PRTG: variants seen among roughly 807,000 people sequenced by gnomAD.
PRTG encodes the protein immunoglobulin superfamily, DCC subclass, member 5.
PRTG carries 67 observed loss-of-function variants against 122.5 expected under a neutral mutation model. That is an observed-to-expected ratio of 0.55 (90% CI 0.45 to 0.67). The LOEUF is 0.67. PRTG is among the 30% of genes least tolerant of loss of function. The probability of loss-of-function intolerance (pLI) is 0.00; values close to 1 mark genes in which losing one functional copy is unlikely to be tolerated. For synonymous variants in PRTG, 554 were observed against 501.1 expected (o/e 1.11, Z -1.41); for missense variants, 1,435 against 1,415.4 (o/e 1.01, Z -0.22).
At chr15:55,634,226 C>A (rs1427155680) in intron 15 of PRTG, among the ~76,000 whole-genome samples, 1 of 151,806 alleles carries the variant, frequency 6.6e-6, no homozygotes, top group African/African-American at 2.4e-5. Context: ...TGCCACCACG[C>A]CTGGCTAATT....
At chr15:55,657,930 G>A (rs1327446944) in intron 11 of PRTG, among the ~76,000 whole-genome samples, 1 of 152,062 alleles carries the variant, frequency 6.6e-6, no homozygotes, top group African/African-American at 2.4e-5. Context: ...AAAAATAAAA[G>A]GTTCTTAATA....
At chr15:55,709,186 G>T (rs111525627) in intron 2 of PRTG, among the ~76,000 whole-genome samples, 70 of 128,586 alleles carry the variant, frequency 5.4e-4, no homozygotes, top group African/African-American at 1.9e-3. Flanking sequence ...AATTACAGAC[G>T]TTTTTAAAGC....
At chr15:55,738,187 T>C (rs1025748925) in intron 2 of PRTG, 39 of 230,968 alleles carry the variant, frequency 1.7e-4, no homozygotes, top group Middle Eastern at 1.3e-3. Context: ...ACATAAAATA[T>C]AAAAACTTCA....
At chr15:55,702,805 C>A in intron 2 of PRTG, 1 of 329,618 alleles carries the variant, frequency 3.0e-6, no homozygotes, top group Non-Finnish European at 4.3e-6. Flanking sequence ...CATGTGCAAA[C>A]ACACACACAC....
chr15:55,655,819 T>G (rs906001416), intron 11 of PRTG: 10 of 152,284 alleles, frequency 6.6e-5, no homozygotes, highest in African/African-American at 2.4e-4. Flanking sequence ...GAAGTGCTGT[T>G]GTTTTAACCT....
In PRTG at chr15:55,620,250, G is replaced by C. The variant is rs2059158965; in HGVS notation, c.3215C>G (p.Thr1072Ser). ...IQVEQPQRRF[T>S]PAVCFYQPGT... ...TGGCTGGTAAAAGCAGACCGCTGGA[G>C]TAAATCTTCTTTGAGGCTAGGCAAA... The change falls in exon 20 of 20, where the codon ACT (threonine) becomes AGT (serine). Residue 1072 changes from threonine to serine, a missense_variant. Transcript: ENST00000389286. 1 of 1,613,964 alleles carries C rather than the reference G, an allele frequency of 6.2e-7. No individual in the cohort carries two copies. Among genetic ancestry groups the C allele is most frequent in the Non-Finnish European group, 8.5e-7 (1 of 1,179,940 alleles).
chr15:55,694,717 T>G (rs969930366), intron 2 of PRTG, among the ~76,000 whole-genome samples: 15 of 152,216 alleles, frequency 9.9e-5, no homozygotes. Flanking sequence ...TAGAGCCTTT[T>G]AAGACTTCAG....
intron 15 of PRTG, among the ~76,000 whole-genome samples, chr15:55,634,308 A>C (rs1349465886): frequency 6.6e-6 from 1 of 151,726 alleles, no homozygotes; most frequent in African/African-American, 2.4e-5. Flanking sequence ...ACCTCAGGGG[A>C]TCCACCTGCC....
Position 55,675,652 on chromosome 15 carries a change from G to A in PRTG, c.1413C>T (p.Ile471=), listed in dbSNP as rs777588721. Residue 471 remains isoleucine, a synonymous_variant, in exon 9 of 20, where the codon ATC becomes ATT. Transcript: ENST00000389286. ...TAATATAATGAGTTGTGTCATTTCCGATGACTACTTGATACTCTTCATTAT... is the reference window on the plus strand; with the variant it reads ...TAATATAATGAGTTGTGTCATTTCCAATGACTACTTGATACTCTTCATTAT... ...GLNNEEYQVV[I]GNDTTHYIID... 19 of 1,584,728 alleles carry A rather than the reference G, an allele frequency of 1.2e-5. No individual in the cohort carries two copies. The highest frequency in any genetic ancestry group is 4.5e-5 in the East Asian group (2 of 44,726).
chr15:55,649,791 CAATAAATA>C (rs59626091), intron 11 of PRTG, among the ~76,000 whole-genome samples: 22,425 of 147,742 alleles, frequency 0.15, 2,497 homozygotes, highest in African/African-American at 0.31. Flanking sequence ...GACTCAGTCT[CAATAAATA>C]AATAAATAAA....
At chr15:55,639,121 A>G (rs1355325492) in intron 13 of PRTG, among the ~76,000 whole-genome samples, 1 of 152,170 alleles carries the variant, frequency 6.6e-6, no homozygotes, top group Admixed American at 6.5e-5. Context: ...ACAGGCATGC[A>G]CCACTATACC....
chr15:55,647,900 A>G (rs976032114), intron 11 of PRTG, among the ~76,000 whole-genome samples: 3 of 152,240 alleles, frequency 2.0e-5, no homozygotes, highest in Non-Finnish European at 4.4e-5. Context: ...GAGCAGGCAG[A>G]CAAAGGTTCC....
chr15:55,659,870 G>C (rs1302747441), intron 11 of PRTG, among the ~76,000 whole-genome samples: 1 of 151,886 alleles, frequency 6.6e-6, no homozygotes, highest in Non-Finnish European at 1.5e-5. Flanking sequence ...AGTGAGCCGA[G>C]ATCATGCCAT....
intron 2 of PRTG, among the ~76,000 whole-genome samples, chr15:55,698,266 T>C (rs1173607701): frequency 1.3e-5 from 2 of 152,218 alleles, no homozygotes; most frequent in Admixed American, 6.5e-5. Context: ...GGGTCTCTTC[T>C]GTCACTTTAG....
chr15:55,652,212 T>C (rs1246766237), intron 11 of PRTG, among the ~76,000 whole-genome samples: 1 of 152,094 alleles, frequency 6.6e-6, no homozygotes, highest in Admixed American at 6.6e-5. Flanking sequence ...AGAATATATA[T>C]GCAAAAGTAG....
At chr15:55,674,051 A>G (rs1259090502) in intron 9 of PRTG, among the ~76,000 whole-genome samples, 4 of 152,252 alleles carry the variant, frequency 2.6e-5, no homozygotes, top group East Asian at 1.9e-4. Context: ...AGTATTCTAC[A>G]GTTATAACCA....
At position 55,638,571 on chromosome 15, in the gene PRTG, G is replaced by A. The variant is rs769490586; in HGVS notation, c.2430C>T (p.Val810=). ...TACCTTCTGGAAGAGTAGAATGGTAGACTACAGGGCTCCAAGGACTGGAAA... is the reference window on the plus strand; with the variant it reads ...TACCTTCTGGAAGAGTAGAATGGTAAACTACAGGGCTCCAAGGACTGGAAA... ...DQLSSPWSPV[V]YHSTLPEAPA... Residue 810 remains valine, a synonymous_variant, in exon 14 of 20, where the codon GTC becomes GTT. Coordinates refer to ENST00000389286, the MANE Select transcript of PRTG (RefSeq NM_173814.6). The A allele has an allele frequency of 6.2e-7, 1 of 1,612,064 alleles. No individual in the cohort carries two copies. The highest frequency in any genetic ancestry group is 1.7e-5 in the Admixed American group (1 of 59,742).
intron 2 of PRTG, among the ~76,000 whole-genome samples, chr15:55,687,720 A>AT (rs1595652043): frequency 1.3e-5 from 2 of 152,222 alleles, no homozygotes; most frequent in African/African-American, 4.8e-5. Flanking sequence ...AAAGGTACAC[A>AT]TTTTTTAATC....
intron 2 of PRTG, among the ~76,000 whole-genome samples, chr15:55,731,968 C>A (rs182238653): frequency 1.4e-3 from 212 of 152,314 alleles, no homozygotes; most frequent in Non-Finnish European, 2.5e-3. Context: ...CTACACACCT[C>A]AGCTATATCG....
Sources: allele counts gnomAD v4.1 joint callset (sites outside exome capture counted in the v4.1 genomes callset), GRCh38; gene constraint gnomAD v4.1.1; transcripts MANE v1.5; gene names NCBI Gene and HGNC (gene_info 2026-07-23, HGNC 2026-07-21).